VDAC1: variants seen among roughly 807,000 people sequenced by gnomAD.
The protein encoded by VDAC1 is non-selective voltage-gated ion channel VDAC1.
In VDAC1, 10 loss-of-function variants were observed where a neutral mutation model predicts 34.7. That is an observed-to-expected ratio of 0.29 (90% CI 0.18 to 0.49). The LOEUF (loss-of-function observed/expected upper bound fraction) is 0.49. Ranked by LOEUF, VDAC1 falls within the 20% of genes least tolerant of loss-of-function variation. The pLI is 0.99. For synonymous variants in VDAC1, 130 were observed against 136.0 expected (o/e 0.96, Z 0.30); for missense variants, 230 against 347.9 (o/e 0.66, Z 2.69).
the VDAC1 span, among the ~76,000 whole-genome samples, chr5:134,030,207 G>A: frequency 6.6e-6 from 1 of 152,158 alleles, no homozygotes; most frequent in South Asian, 2.1e-4. Context: ...GGGCGTGGTG[G>A]TGCTTGACTG....
the VDAC1 span, among the ~76,000 whole-genome samples, chr5:134,067,989 G>A: frequency 2.0e-5 from 3 of 152,094 alleles, no homozygotes; most frequent in Non-Finnish European, 2.9e-5. Flanking sequence ...ATGGTGGTGT[G>A]AGCCTGTAAT....
chr5:133,997,329 C>T (rs146414027), intron 1 of VDAC1, among the ~76,000 whole-genome samples: 112 of 152,100 alleles, frequency 7.4e-4, no homozygotes, highest in African/African-American at 1.9e-3. Flanking sequence ...CCAGAAGCAA[C>T]CTAAAAGTCC....
At chr5:134,018,831 G>A in the VDAC1 span, among the ~76,000 whole-genome samples, 2 of 152,210 alleles carry the variant, frequency 1.3e-5, no homozygotes, top group Non-Finnish European at 2.9e-5. Context: ...TGTCAGCCCT[G>A]TGGGCATTTG....
chr5:133,988,344 T>C (rs1752978987), intron 5 of VDAC1, among the ~76,000 whole-genome samples: 1 of 151,512 alleles, frequency 6.6e-6, no homozygotes, highest in African/African-American at 2.4e-5. Flanking sequence ...CCCGGCACTT[T>C]GGGAGGCTGA....
intron 5 of VDAC1, among the ~76,000 whole-genome samples, chr5:133,990,120 C>A (rs1336501961): frequency 1.3e-5 from 2 of 152,166 alleles, no homozygotes; most frequent in African/African-American, 4.8e-5. Flanking sequence ...TGAAAAGCAC[C>A]CAGGAATTGA....
At chr5:133,975,658 C>A (rs888769040) in intron 7 of VDAC1, among the ~76,000 whole-genome samples, 4 of 151,928 alleles carry the variant, frequency 2.6e-5, no homozygotes, top group African/African-American at 9.7e-5. Flanking sequence ...AGGGTTTCAC[C>A]GTGTTGGCGA....
the VDAC1 span, among the ~76,000 whole-genome samples, chr5:134,013,849 G>A: frequency 6.6e-6 from 1 of 152,182 alleles, no homozygotes; most frequent in Non-Finnish European, 1.5e-5. Flanking sequence ...GGCTGAGGCA[G>A]GAGAATCACT....
At chr5:133,979,541 T>TG (rs1752611539) in intron 6 of VDAC1, among the ~76,000 whole-genome samples, 1 of 143,670 alleles carries the variant, frequency 7.0e-6, no homozygotes, top group African/African-American at 2.6e-5. Flanking sequence ...GCGATTCTCC[T>TG]GCTTCAGCCT....
At chr5:134,041,897 C>T in the VDAC1 span, among the ~76,000 whole-genome samples, 2 of 152,308 alleles carry the variant, frequency 1.3e-5, no homozygotes, top group Non-Finnish European at 1.5e-5. Context: ...TGGCCACCCT[C>T]GAAGCTCCTG....
At chr5:134,030,827 G>A in the VDAC1 span, among the ~76,000 whole-genome samples, 1 of 152,032 alleles carries the variant, frequency 6.6e-6, no homozygotes, top group Non-Finnish European at 1.5e-5. Context: ...TGGTCAGGCT[G>A]GTCTTGAACT....
chr5:134,020,737 C>G, the VDAC1 span, among the ~76,000 whole-genome samples: 28 of 152,078 alleles, frequency 1.8e-4, no homozygotes, highest in African/African-American at 6.8e-4. Flanking sequence ...AGTGCAGTGG[C>G]GCGATCTCGG....
intron 1 of VDAC1, among the ~76,000 whole-genome samples, chr5:134,003,128 T>G (rs1424572771): frequency 6.6e-6 from 1 of 151,852 alleles, no homozygotes; most frequent in East Asian, 1.9e-4. Context: ...GACACAAGAG[T>G]GCATTTACCC....
the VDAC1 span, among the ~76,000 whole-genome samples, chr5:134,021,057 A>G: frequency 4.6e-5 from 7 of 151,224 alleles, no homozygotes; most frequent in Non-Finnish European, 8.8e-5. Context: ...AGTCCCAGCT[A>G]CTCGGGAAGC....
At chr5:133,974,513 C>T (rs139485596) in intron 7 of VDAC1, among the ~76,000 whole-genome samples, 1 of 152,330 alleles carries the variant, frequency 6.6e-6, no homozygotes, top group African/African-American at 2.4e-5. Context: ...CCCCTTTTAA[C>T]AGTCCGCATG....
chr5:134,086,656 CCTT>C, the VDAC1 span, among the ~76,000 whole-genome samples: 9 of 152,268 alleles, frequency 5.9e-5, no homozygotes, highest in Non-Finnish European at 1.0e-4. Context: ...TTTTTCTTCT[CCTT>C]CTTTTTCTTC....
chr5:134,003,043 A>C (rs139139868), intron 1 of VDAC1, among the ~76,000 whole-genome samples: 273 of 152,216 alleles, frequency 1.8e-3, no homozygotes, highest in Non-Finnish European at 2.9e-3. Context: ...ATAATTCCAC[A>C]AATACTCAAT....
At chr5:134,094,695 CAAAAAAAAAAAA>C in the VDAC1 span, among the ~76,000 whole-genome samples, 89 of 68,488 alleles carry the variant, frequency 1.3e-3, no homozygotes, top group Middle Eastern at 9.4e-3. Context: ...GACTCCGTCT[CAAAAAAAAAAAA>C]AAAAAAAAAA....
At chr5:134,064,511 C>T in the VDAC1 span, among the ~76,000 whole-genome samples, 215 of 152,070 alleles carry the variant, frequency 1.4e-3, 3 homozygotes, top group South Asian at 0.02. Flanking sequence ...ACCATGTTGG[C>T]CAGGCTGGTC....
At chr5:134,025,242 G>A in the VDAC1 span, among the ~76,000 whole-genome samples, 3 of 152,294 alleles carry the variant, frequency 2.0e-5, no homozygotes, top group South Asian at 4.2e-4. Flanking sequence ...GACCAGGCAC[G>A]TCACATGGCG....
Sources: gnomAD v4.1 joint callset for allele counts (sites outside exome capture counted in the v4.1 genomes callset) on GRCh38, gnomAD v4.1.1 for gene constraint, MANE v1.5 for transcripts, NCBI Gene and HGNC (gene_info 2026-07-23, HGNC 2026-07-21) for gene names.